Variants in KRT8 observed in about 807,000 individuals in gnomAD.
KRT8 encodes keratin 8.
A neutral mutation model predicts 43.0 loss-of-function variants in KRT8; 24 were observed. That is an observed-to-expected ratio of 0.56 (90% confidence interval 0.40 to 0.78). The LOEUF (loss-of-function observed/expected upper bound fraction) is 0.78. Among genes scored for constraint, KRT8 ranks in the 30% least tolerant of loss-of-function variants. KRT8 has a pLI of 0.00. For missense variants in KRT8, 492 were observed against 638.4 expected (o/e 0.77, Z 2.47); for synonymous variants, 214 against 261.2 (o/e 0.82, Z 1.74).
upstream of KRT8, among the ~76,000 whole-genome samples, chr12:52,908,117 A>G (rs1337075059): frequency 6.6e-6 from 1 of 152,206 alleles, no homozygotes; most frequent in East Asian, 1.9e-4. Flanking sequence ...AGGATAATTC[A>G]GAGAAGGCCC....
chr12:52,943,075 A>C (rs543708381), intron 2 of KRT8, among the ~76,000 whole-genome samples: 11 of 152,220 alleles, frequency 7.2e-5, no homozygotes, highest in Admixed American at 3.9e-4. Context: ...CAGGCATAGC[A>C]CCAACCACAC....
At chr12:52,909,458 G>A (rs1941588022), upstream of KRT8, among the ~76,000 whole-genome samples, 1 of 152,242 alleles carries the variant, frequency 6.6e-6, no homozygotes, top group Admixed American at 6.5e-5. Flanking sequence ...ATGAATAATA[G>A]AGTCAATTCG....
intron 2 of KRT8, chr12:52,926,413 C>T (rs965906118): frequency 2.1e-5 from 32 of 1,535,390 alleles, no homozygotes; most frequent in Non-Finnish European, 2.8e-5. Flanking sequence ...AAACCTTACC[C>T]TTCCTGCAGG....
intron 2 of KRT8, among the ~76,000 whole-genome samples, chr12:52,929,957 A>T (rs1172330021): frequency 6.6e-6 from 1 of 152,160 alleles, no homozygotes; most frequent in Non-Finnish European, 1.5e-5. Context: ...ATCCAATGCC[A>T]TCCTCCAGGC....
At chr12:52,903,909 C>G (rs1472169690) in intron 1 of KRT8, among the ~76,000 whole-genome samples, 4 of 144,740 alleles carry the variant, frequency 2.8e-5, no homozygotes, top group African/African-American at 1.0e-4. Context: ...CGCCGAGCTC[C>G]GCCAGGTGGA....
At position 52,903,858 on chromosome 12, in the gene KRT8, G is replaced by GCCCAC. The variant is rs557895911; in HGVS notation, c.324+795_324+799dup. The stretch of plus-strand genomic sequence containing the variant: ...CTGGCGCCTCCTCCACCCCACCCCA[G>GCCCAC]CCCACCCCACCCCACCCCACCCCAC... On this transcript the variant is annotated intron_variant, in intron 1 of 7. Coordinates refer to ENST00000692008, the Ensembl canonical transcript of KRT8. Among the ~76,000 whole-genome samples, 231 of 59,438 alleles carry GCCCAC rather than the reference G, an allele frequency of 3.9e-3. 2 individuals are homozygous for GCCCAC. The highest frequency in any genetic ancestry group is 0.013 in the African/African-American group (202 of 15,148). The allele number at this position is 59,438 out of a possible 152,430, so 39.0% of individuals were successfully genotyped here. A position where few individuals can be genotyped will look rare whatever the true frequency, so the allele number is the denominator to read the frequency against.
At chr12:52,935,748 ATCC>A (rs1338966745) in intron 2 of KRT8, among the ~76,000 whole-genome samples, 1 of 151,936 alleles carries the variant, frequency 6.6e-6, no homozygotes, top group Non-Finnish European at 1.5e-5. Context: ...GCCTCAAGCA[ATCC>A]TCCTGCCTCT....
exon 5 of KRT8, chr12:52,899,988 C>T (rs1389117880): frequency 6.2e-7 from 1 of 1,613,342 alleles, no homozygotes; most frequent in Non-Finnish European, 8.5e-7. Context: ...TGATGCTGTC[C>T]ATGTCCAGGG....
chr12:52,905,169 G>A (rs1011482374), upstream of KRT8: 14 of 1,100,004 alleles, frequency 1.3e-5, no homozygotes, highest in East Asian at 2.6e-5. Flanking sequence ...GGCCTAACCC[G>A]TCACCTGCCA....
intron 2 of KRT8, among the ~76,000 whole-genome samples, chr12:52,938,170 A>ATATTTTTTTTT (rs1555189967): frequency 3.3e-5 from 1 of 30,322 alleles, no homozygotes; most frequent in Non-Finnish European, 5.9e-5. Flanking sequence ...ATATATATAT[A>ATATTTTTTTTT]TTTTTTTTTT....
chr12:52,919,320 G>GT (rs1435679659), intron 2 of KRT8, among the ~76,000 whole-genome samples: 2 of 152,194 alleles, frequency 1.3e-5, no homozygotes, highest in African/African-American at 2.4e-5. Context: ...TGGAGTGCAT[G>GT]TAGTGGCACT....
At chr12:52,920,565 C>A (rs1941862497) in intron 2 of KRT8, among the ~76,000 whole-genome samples, 1 of 152,122 alleles carries the variant, frequency 6.6e-6, no homozygotes, top group Non-Finnish European at 1.5e-5. Flanking sequence ...CCATTGCACT[C>A]CAGCCTGGGC....
At chr12:52,903,038 T>G (rs1482238291) in intron 1 of KRT8, among the ~76,000 whole-genome samples, 1 of 151,992 alleles carries the variant, frequency 6.6e-6, no homozygotes, top group Non-Finnish European at 1.5e-5. Flanking sequence ...TTGTAACTCC[T>G]TCTAAACTGG....
At chr12:52,944,627 C>T (rs1942316201) in intron 2 of KRT8, among the ~76,000 whole-genome samples, 1 of 152,210 alleles carries the variant, frequency 6.6e-6, no homozygotes, top group Non-Finnish European at 1.5e-5. Context: ...GCCAGGTTCC[C>T]CGACTTCTCT....
intron 2 of KRT8, 71 bp downstream of exon 2, chr12:52,901,793 T>A: frequency 9.4e-7 from 1 of 1,060,258 alleles, no homozygotes; most frequent in Non-Finnish European, 1.5e-6. Context: ...CATGGGGACT[T>A]AGTCCCAAGG....
chr12:52,936,259 C>CA (rs201578259), intron 2 of KRT8, among the ~76,000 whole-genome samples: 3,724 of 148,482 alleles, frequency 0.025, 75 homozygotes, highest in South Asian at 0.056. Flanking sequence ...CTAAAAAAAA[C>CA]AAAAAAAAAA....
chr12:52,927,279 G>C (rs1194954457), intron 2 of KRT8, among the ~76,000 whole-genome samples: 1 of 152,172 alleles, frequency 6.6e-6, no homozygotes, highest in Admixed American at 6.5e-5. Context: ...AACTCCAGCA[G>C]GAAATAGGTG....
chr12:52,944,869 GAA>G, intron 2 of KRT8, among the ~76,000 whole-genome samples: 1 of 152,294 alleles, frequency 6.6e-6, no homozygotes, highest in East Asian at 1.9e-4. Context: ...ATAGGGTGCT[GAA>G]ATTCCAGAAG....
At chr12:52,907,683 G>A (rs1002135747), upstream of KRT8, among the ~76,000 whole-genome samples, 1 of 152,168 alleles carries the variant, frequency 6.6e-6, no homozygotes, top group Admixed American at 6.5e-5. Flanking sequence ...ACCGTCTAGG[G>A]CCAGAAGTGT....
Sources: gnomAD v4.1 joint callset for allele counts (sites outside exome capture counted in the v4.1 genomes callset) on GRCh38, gnomAD v4.1.1 for gene constraint, MANE v1.5 for transcripts, NCBI Gene and HGNC (gene_info 2026-07-23, HGNC 2026-07-21) for gene names.